Variants in MRRF observed in about 807,000 individuals in gnomAD.
The protein encoded by MRRF is mitochondrial ribosome recycling factor.
MRRF carries 18 observed loss-of-function variants against 25.1 expected under a neutral mutation model. The observed-to-expected ratio is 0.72, with a 90% CI of 0.50 to 1.06. The LOEUF (loss-of-function observed/expected upper bound fraction) is 1.06. Among genes scored for constraint, MRRF ranks in the 50% least tolerant of loss-of-function variants. The probability of loss-of-function intolerance (pLI) is 0.00; values close to 1 mark genes in which losing one functional copy is unlikely to be tolerated. For missense variants in MRRF, 323 were observed against 319.3 expected (o/e 1.01, Z -0.09); for synonymous variants, 113 against 112.1 (o/e 1.01, Z -0.05).
intron 5 of MRRF, among the ~76,000 whole-genome samples, chr9:122,308,273 G>GCCATGTAT: frequency 6.6e-6 from 1 of 152,096 alleles, no homozygotes; most frequent in East Asian, 1.9e-4. Context: ...TCAGACTCTT[G>GCCATGTAT]CCATGTATTT....
intron 1 of MRRF, among the ~76,000 whole-genome samples, chr9:122,267,380 C>CA (rs892711250): frequency 0.072 from 5,085 of 71,048 alleles, 279 homozygotes; most frequent in African/African-American, 0.18. Flanking sequence ...GACTCTGTCT[C>CA]AAAAAAAAAA....
intron 6 of MRRF, among the ~76,000 whole-genome samples, chr9:122,319,202 G>T (rs576099802): frequency 1.5e-4 from 22 of 147,334 alleles, no homozygotes; most frequent in Non-Finnish European, 3.1e-4. Flanking sequence ...CCAGGCTGGA[G>T]TGCAGTGGCG....
At chr9:122,289,735 A>C (rs1833637429) in intron 4 of MRRF, among the ~76,000 whole-genome samples, 1 of 152,088 alleles carries the variant, frequency 6.6e-6, no homozygotes. Context: ...CTATTTAAGA[A>C]AAATATCAGG....
At chr9:122,278,742 C>G (rs1832921905) in intron 2 of MRRF, among the ~76,000 whole-genome samples, 2 of 152,144 alleles carry the variant, frequency 1.3e-5, no homozygotes, top group East Asian at 3.9e-4. Context: ...AAGTTTTAAT[C>G]CTTCATGGAT....
chr9:122,268,217 T>C (rs2119014592), intron 1 of MRRF, among the ~76,000 whole-genome samples: 1 of 152,390 alleles, frequency 6.6e-6, no homozygotes, highest in South Asian at 2.1e-4. Flanking sequence ...CGATGTGGTT[T>C]ATTTATAGAG....
chr9:122,326,025 C>T lies in MRRF; in HGVS notation c.*3408C>T, dbSNP rs1005589971. 2 of 151,310 alleles carry T rather than the reference C, an allele frequency of 1.3e-5. No homozygotes were observed. The highest frequency in any genetic ancestry group is 3.9e-4 in the East Asian group (2 of 5,162). The allele number at this position is 151,310 out of a possible 1,614,324, so 9.4% of individuals were successfully genotyped here. The stretch of plus-strand genomic sequence containing the variant: ...TGTTTCCTAGGCTGGTCTCAAACAC[C>T]TGGCCTCAAGCGGTCCTTCTGCCTC... On this transcript the variant is annotated 3_prime_UTR_variant, in exon 7 of 7. Coordinates refer to ENST00000344641, the MANE Select transcript of MRRF (RefSeq NM_138777.5).
At chr9:122,282,422 G>C (rs985144100) in intron 3 of MRRF, among the ~76,000 whole-genome samples, 1 of 152,130 alleles carries the variant, frequency 6.6e-6, no homozygotes, top group Admixed American at 6.5e-5. Context: ...AAAATATATT[G>C]TCCCCACCTT....
At chr9:122,265,973 C>G (rs543160127) in intron 1 of MRRF, among the ~76,000 whole-genome samples, 1 of 152,358 alleles carries the variant, frequency 6.6e-6, no homozygotes, top group South Asian at 2.1e-4. Flanking sequence ...AAGCAAAAAT[C>G]TGGCAAACCA....
At chr9:122,285,594 GTACCT>G in intron 4 of MRRF, 1 of 449,706 alleles carries the variant, frequency 2.2e-6, no homozygotes, top group Non-Finnish European at 4.0e-6. Context: ...TGGAGAGCCT[GTACCT>G]TGTGTGAGTG....
Position 122,329,753 on chromosome 9 carries a change from C to T in MRRF, c.*7136C>T, listed in dbSNP as rs1301476405. The T allele has an allele frequency of 6.6e-6, 1 of 152,290 alleles. No homozygotes were observed. Among genetic ancestry groups the T allele is most frequent in the Non-Finnish European group, 1.5e-5 (1 of 68,104 alleles). The allele number at this position is 152,290 out of a possible 1,614,324, so 9.4% of individuals were successfully genotyped here. ...GATGTGGCAAATGTTCCAGGCTGGC[C>T]TCACCCGGGTCTCTAGACACTTGGC... On this transcript the variant is annotated 3_prime_UTR_variant, in exon 7 of 7. Coordinates refer to ENST00000344641, the MANE Select transcript of MRRF (RefSeq NM_138777.5).
chr9:122,329,682 C>T lies in MRRF; in HGVS notation c.*7065C>T, dbSNP rs1381502162. ...TCAATTCTCCCTTCAACAGACCTTT[C>T]CTTTCCTTCCTGGGCACACCCTTGA... is the stretch of plus-strand genomic sequence containing the variant. On this transcript the variant is annotated 3_prime_UTR_variant, in exon 7 of 7. Coordinates refer to ENST00000344641, the MANE Select transcript of MRRF (RefSeq NM_138777.5). The T allele has an allele frequency of 6.6e-6, 1 of 152,382 alleles. No individual in the cohort carries two copies. The highest frequency in any genetic ancestry group is 1.5e-5 in the Non-Finnish European group (1 of 68,144). The allele number at this position is 152,382 out of a possible 1,614,324, so 9.4% of individuals were successfully genotyped here. A position where few individuals can be genotyped will look rare whatever the true frequency, so the allele number is the denominator to read the frequency against.
intron 2 of MRRF, 58 bp from the exon 3 acceptor site, chr9:122,280,385 T>G: frequency 6.3e-7 from 1 of 1,585,868 alleles, no homozygotes. Context: ...CTTCACCAAT[T>G]GCTTATTGGC....
intron 6 of MRRF, among the ~76,000 whole-genome samples, chr9:122,317,773 CA>C (rs1835627011): frequency 6.6e-6 from 1 of 151,930 alleles, no homozygotes; most frequent in African/African-American, 2.4e-5. Flanking sequence ...TTTTAATTTT[CA>C]AAAATCTTTT....
chr9:122,319,874 A>ATTTTTTTTTTTTT (rs975991164), intron 6 of MRRF, among the ~76,000 whole-genome samples: 1 of 129,990 alleles, frequency 7.7e-6, no homozygotes, highest in Non-Finnish European at 1.6e-5. Context: ...ATTTTCATTA[A>ATTTTTTTTTTTTT]TTTTTTTTTT....
intron 5 of MRRF, among the ~76,000 whole-genome samples, chr9:122,300,235 C>T (rs1287757702): frequency 6.6e-6 from 1 of 152,132 alleles, no homozygotes; most frequent in Non-Finnish European, 1.5e-5. Flanking sequence ...GTGGATGTGG[C>T]CTCAATGTGA....
intron 6 of MRRF, among the ~76,000 whole-genome samples, chr9:122,317,287 A>C (rs928870048): frequency 1.3e-5 from 2 of 151,992 alleles, no homozygotes; most frequent in Admixed American, 6.5e-5. Context: ...AATGTTGCTT[A>C]TCTGGGAACT....
chr9:122,296,381 T>C (rs1169842147), intron 5 of MRRF, among the ~76,000 whole-genome samples: 1 of 152,234 alleles, frequency 6.6e-6, no homozygotes, highest in Non-Finnish European at 1.5e-5. Flanking sequence ...GTACCATTTA[T>C]CAACCACCTA....
At chr9:122,272,614 G>A (rs2119043257) in intron 2 of MRRF, among the ~76,000 whole-genome samples, 1 of 152,258 alleles carries the variant, frequency 6.6e-6, no homozygotes, top group African/African-American at 2.4e-5. Flanking sequence ...GCAGAAGTTG[G>A]TTGTTTGACT....
intron 5 of MRRF, among the ~76,000 whole-genome samples, chr9:122,298,904 G>A (rs1834258981): frequency 1.3e-5 from 2 of 152,086 alleles, no homozygotes; most frequent in African/African-American, 2.4e-5. Flanking sequence ...TTAAGTAGAT[G>A]TTCATGAAGT....
Sources: gnomAD v4.1 joint callset for allele counts (sites outside exome capture counted in the v4.1 genomes callset) on GRCh38, gnomAD v4.1.1 for gene constraint, MANE v1.5 for transcripts, NCBI Gene and HGNC (gene_info 2026-07-23, HGNC 2026-07-21) for gene names.